Variants in ANO3 observed in about 807,000 individuals in gnomAD.
ANO3 encodes anoctamin-3.
ANO3 carries 99 observed loss-of-function variants against 144.8 expected under a neutral mutation model. That is an observed-to-expected ratio of 0.68 (90% CI 0.58 to 0.81). The LOEUF (loss-of-function observed/expected upper bound fraction) is 0.81, where lower values mean the gene tolerates loss of function less well. Ranked by LOEUF, ANO3 falls within the 30% of genes least tolerant of loss-of-function variation. ANO3 has a pLI of 0.00. For synonymous variants in ANO3, 414 were observed against 392.6 expected (o/e 1.05, Z -0.64); for missense variants, 905 against 1,202.2 (o/e 0.75, Z 3.66).
At chr11:26,612,755 G>A (rs1468931085) in intron 17 of ANO3, among the ~76,000 whole-genome samples, 1 of 152,010 alleles carries the variant, frequency 6.6e-6, no homozygotes, top group Non-Finnish European at 1.5e-5. Context: ...CTGAAGGATA[G>A]CTTTATGGAT....
At position 26,364,498 on chromosome 11, in the gene ANO3, C is replaced by T. The variant is rs372907151; in HGVS notation, c.46+32177C>T. Among the ~76,000 whole-genome samples, 19 of 152,204 alleles carry T rather than the reference C, an allele frequency of 1.2e-4. No individual in the cohort carries two copies. The South Asian group carries it at 2.3e-3, about 18-fold the overall frequency. On this transcript the variant is annotated intron_variant, in intron 1 of 26. Transcript: ENST00000256737. ...AAGAAAAGAGTTTTAATTGGTTTGCCATCTGCAGGCTTTACAGGAAGCATG... is the reference window on the plus strand; with the variant it reads ...AAGAAAAGAGTTTTAATTGGTTTGCTATCTGCAGGCTTTACAGGAAGCATG...
chr11:26,259,309 T>C (rs1440733631), intron 1 of ANO3, among the ~76,000 whole-genome samples: 1 of 152,104 alleles, frequency 6.6e-6, no homozygotes, highest in African/African-American at 2.4e-5. Context: ...CGTTTGTAAG[T>C]ATATGTTTAT....
chr11:26,301,215 A>AGAT (rs1485661699), intron 1 of ANO3, among the ~76,000 whole-genome samples: 3 of 152,150 alleles, frequency 2.0e-5, no homozygotes, highest in African/African-American at 7.2e-5. Context: ...CCAGAATGAC[A>AGAT]GATTGTTACC....
intron 22 of ANO3, 26 bp downstream of exon 22, chr11:26,642,055 A>G: frequency 6.3e-7 from 1 of 1,597,332 alleles, no homozygotes; most frequent in Non-Finnish European, 8.5e-7. Flanking sequence ...CTGCAGGACT[A>G]TTTGGCCTTC....
At chr11:26,269,766 T>G (rs1244245593) in intron 1 of ANO3, among the ~76,000 whole-genome samples, 3 of 152,154 alleles carry the variant, frequency 2.0e-5, no homozygotes, top group Non-Finnish European at 4.4e-5. Context: ...TGCTACCTTT[T>G]CGGGTTTGAC....
At chr11:26,365,798 G>A (rs1360605064) in intron 1 of ANO3, among the ~76,000 whole-genome samples, 1 of 151,932 alleles carries the variant, frequency 6.6e-6, no homozygotes, top group Non-Finnish European at 1.5e-5. Flanking sequence ...TGGCCTGTGA[G>A]GTGAGAGGTT....
intron 1 of ANO3, among the ~76,000 whole-genome samples, chr11:26,198,312 T>G (rs1344762822): frequency 6.6e-6 from 1 of 152,132 alleles, no homozygotes; most frequent in South Asian, 2.1e-4. Flanking sequence ...TAAGTGGAAA[T>G]TTTTTCCATC....
At chr11:26,528,940 T>C (rs1024235911) in intron 7 of ANO3, among the ~76,000 whole-genome samples, 8 of 148,674 alleles carry the variant, frequency 5.4e-5, no homozygotes, top group African/African-American at 1.7e-4. Context: ...TATTTTAGGC[T>C]AGAAAAAAAT....
At chr11:26,269,912 G>A (rs1011495738) in intron 1 of ANO3, among the ~76,000 whole-genome samples, 2 of 152,108 alleles carry the variant, frequency 1.3e-5, no homozygotes, top group Non-Finnish European at 2.9e-5. Flanking sequence ...GAGGTAATTA[G>A]CATAGGCCCT....
intron 1 of ANO3, among the ~76,000 whole-genome samples, chr11:26,192,990 C>T (rs117030835): frequency 0.018 from 2,763 of 152,036 alleles, 36 homozygotes; most frequent in Middle Eastern, 0.034. Flanking sequence ...TACATATGTG[C>T]CATGGTGGTT....
At chr11:26,378,419 T>TATCTATC (rs1564991782) in intron 1 of ANO3, among the ~76,000 whole-genome samples, 12 of 144,768 alleles carry the variant, frequency 8.3e-5, no homozygotes, top group African/African-American at 2.5e-4. Context: ...TATATATTAT[T>TATCTATC]TATCTATCTA....
chr11:26,457,025 T>A lies in ANO3; in HGVS notation c.314-6005T>A, dbSNP rs1218554955. Among the ~76,000 whole-genome samples, 8 of 143,780 alleles carry A rather than the reference T, an allele frequency of 5.6e-5. No homozygotes were observed. The East Asian group carries it at 1.2e-3, about 22-fold the overall frequency. The allele number at this position is 143,780 out of a possible 152,430, so 94.3% of individuals were successfully genotyped here. A position where few individuals can be genotyped will look rare whatever the true frequency, so the allele number is the denominator to read the frequency against. On this transcript the variant is annotated intron_variant, in intron 3 of 26. Transcript: ENST00000256737. ...TCACTCATAGGTGGGAATTGAACTA[T>A]GAGAACACATGGACACAGGAAGGGG...
At chr11:26,358,265 G>C (rs1314593764) in intron 1 of ANO3, among the ~76,000 whole-genome samples, 1 of 145,752 alleles carries the variant, frequency 6.9e-6, no homozygotes, top group African/African-American at 2.5e-5. Flanking sequence ...TCCGCCTCCT[G>C]GGTTCAAGCG....
Position 26,536,162 on chromosome 11 carries a change from T to C in ANO3, c.977-1244T>C, listed in dbSNP as rs1278016886. ...TGGTAAAACCCGTCTTTACTAAAAA[T>C]ACAAAAATTAGCCAGGCACAATGGT... On this transcript the variant is annotated intron_variant, in intron 9 of 26. Transcript: ENST00000256737. 2.6e-5 allele frequency among the ~76,000 whole-genome samples: 4 copies of C among 151,728 alleles called. No individual in the cohort carries two copies. In the South Asian group the frequency reaches 6.3e-4, roughly 24 times the overall value.
At chr11:26,388,808 G>A (rs1476835436) in intron 1 of ANO3, among the ~76,000 whole-genome samples, 1 of 152,090 alleles carries the variant, frequency 6.6e-6, no homozygotes, top group African/African-American at 2.4e-5. Context: ...AATTAAGCAT[G>A]TATAAATAAA....
intron 1 of ANO3, among the ~76,000 whole-genome samples, chr11:26,340,721 ATAGAT>A (rs1294455593): frequency 6.6e-6 from 1 of 152,246 alleles, no homozygotes. Context: ...GGCAAGCTAT[ATAGAT>A]TCTAGATATA....
In ANO3 at chr11:26,643,293, C is replaced by T; in HGVS notation, c.2387C>T (p.Thr796Ile). ...AGGCTGGATGCATACAAATTTGTCA[C>T]TCAATGGCGGAGGCCTTTGCCAGCC... Reference protein sequence around the residue: ...EIRLDAYKFVTQWRRPLPARA... With the variant: ...EIRLDAYKFVIQWRRPLPARA... Residue 796 changes from threonine to isoleucine, a missense_variant, in exon 23 of 27, where the codon ACT (threonine) becomes ATT (isoleucine). Thr to Ile is a moderately conservative substitution (Grantham distance 89). Transcript: ENST00000256737. 1.2e-6 allele frequency: 2 copies of T among 1,614,180 alleles called. No homozygotes were observed. Among genetic ancestry groups the T allele is most frequent in the Non-Finnish European group, 1.7e-6 (2 of 1,180,026 alleles).
At chr11:26,346,466 T>G (rs190077370) in intron 1 of ANO3, among the ~76,000 whole-genome samples, 1 of 152,330 alleles carries the variant, frequency 6.6e-6, no homozygotes, top group East Asian at 1.9e-4. Context: ...AAAAAGACTC[T>G]CATTGCATGC....
At position 26,336,311 on chromosome 11, in the gene ANO3, C is replaced by T. The variant is rs1445889488; in HGVS notation, c.46+3990C>T. On this transcript the variant is annotated intron_variant, in intron 1 of 26. Transcript: ENST00000256737. ...ATAGAACCATAGATCAAATCAAACA[C>T]AGCCTGTCCCAAAAGACTTTGGCTT... is the stretch of plus-strand genomic sequence containing the variant. Among the ~76,000 whole-genome samples, 10 of 152,310 alleles carry T rather than the reference C, an allele frequency of 6.6e-5. 1 individual carries two copies. The highest frequency in any genetic ancestry group is 6.5e-4 in the Admixed American group (10 of 15,300).
Sources: allele counts gnomAD v4.1 joint callset (sites outside exome capture counted in the v4.1 genomes callset), GRCh38; gene constraint gnomAD v4.1.1; transcripts MANE v1.5; gene names NCBI Gene and HGNC (gene_info 2026-07-23, HGNC 2026-07-21).